Variants in KIF24 observed in about 807,000 individuals in gnomAD.
KIF24 encodes kinesin family member 24.
In KIF24, 81 loss-of-function variants were observed where a neutral mutation model predicts 118.9. That is an observed-to-expected ratio of 0.68 (90% CI 0.57 to 0.82). KIF24 has a LOEUF of 0.82. Among genes scored for constraint, KIF24 ranks in the 40% least tolerant of loss-of-function variants. KIF24 has a pLI of 0.00. For missense variants in KIF24, 1,560 were observed against 1,661.6 expected, an observed-to-expected ratio of 0.94 and a Z score of 1.06; for synonymous variants, 599 against 610.0, an observed-to-expected ratio of 0.98 and a Z score of 0.27.
At chr9:34,266,633 G>A (rs1328631297) in intron 8 of KIF24, among the ~76,000 whole-genome samples, 3 of 149,636 alleles carry the variant, frequency 2.0e-5, no homozygotes, top group African/African-American at 7.4e-5. Context: ...AGCCAAGATT[G>A]TGCCACTGTA....
chr9:34,311,688 A>G (rs1837159456), intron 1 of KIF24, among the ~76,000 whole-genome samples: 1 of 148,288 alleles, frequency 6.7e-6, no homozygotes, highest in African/African-American at 2.5e-5. Context: ...GTATATATAT[A>G]CGTATATATG....
intron 6 of KIF24, among the ~76,000 whole-genome samples, chr9:34,280,242 C>T (rs191385714): frequency 5.3e-5 from 7 of 133,124 alleles, no homozygotes; most frequent in African/African-American, 8.4e-5. Flanking sequence ...CAAGATCCCG[C>T]CACTGCACTC....
intron 7 of KIF24, among the ~76,000 whole-genome samples, chr9:34,270,485 C>G (rs1335986896): frequency 6.9e-6 from 1 of 144,098 alleles, no homozygotes; most frequent in African/African-American, 2.6e-5. Flanking sequence ...TACTGCACTC[C>G]AGCCTGGGCA....
At chr9:34,328,129 G>GA (rs1837736954) in intron 1 of KIF24, among the ~76,000 whole-genome samples, 1 of 152,264 alleles carries the variant, frequency 6.6e-6, no homozygotes, top group South Asian at 2.1e-4. Context: ...AGTTAACAAC[G>GA]AAACAGTCTT....
At chr9:34,312,525 G>A (rs1031694500) in intron 1 of KIF24, among the ~76,000 whole-genome samples, 5 of 152,218 alleles carry the variant, frequency 3.3e-5, no homozygotes, top group South Asian at 4.2e-4. Context: ...TCCTGTTTTC[G>A]TTTTAATTTC....
Position 34,300,851 on chromosome 9 carries a change from A to T in KIF24, c.814-3737T>A, listed in dbSNP as rs1218205445. 2.2e-3 allele frequency among the ~76,000 whole-genome samples: 12 copies of T among 5,334 alleles called. 1 individual carries two copies. Among genetic ancestry groups the T allele is most frequent in the Admixed American group, 8.6e-3 (6 of 698 alleles). The allele number at this position is 5,334 out of a possible 152,430, so 3.5% of individuals were successfully genotyped here. A position where few individuals can be genotyped will look rare whatever the true frequency, so the allele number is the denominator to read the frequency against. ...GATGTGGATATATTCGGCATTTCTC[A>T]AAAAAAAAAAAAAAAAAAAAAAAGA... On this transcript the variant is annotated intron_variant, in intron 3 of 12. Coordinates refer to ENST00000402558, the MANE Select transcript of KIF24 (RefSeq NM_194313.4).
Position 34,255,039 on chromosome 9 carries a change from A to G in KIF24, c.3966+33T>C, listed in dbSNP as rs181302696. On this transcript the variant is annotated intron_variant, in intron 12 of 12. Coordinates refer to ENST00000402558, the MANE Select transcript of KIF24 (RefSeq NM_194313.4). Reference sequence around the variant, plus strand: ...CAAATTAGCTGCAGGCTAATTCCCAACAGCCTGTGAGTGTCCAGCCAGGGC... The same window carrying G: ...CAAATTAGCTGCAGGCTAATTCCCAGCAGCCTGTGAGTGTCCAGCCAGGGC... The G allele has an allele frequency of 2.4e-4, 343 of 1,409,610 alleles. 3 individuals carry two copies. The East Asian group carries it at 8.3e-3, about 34-fold the overall frequency. 87.3% of individuals were successfully genotyped at this position (1,409,610 alleles called of 1,614,324 possible).
chr9:34,295,377 A>T (rs1048416519), intron 4 of KIF24, among the ~76,000 whole-genome samples: 10 of 147,482 alleles, frequency 6.8e-5, no homozygotes, highest in African/African-American at 9.8e-5. Flanking sequence ...CTGGCTAATT[A>T]AAAAAAAAAA....
rs1837119118 is a variant in KIF24 at position 34,311,029 on chromosome 9, A to G, written c.318T>C (p.Asn106=). The G allele has an allele frequency of 2.5e-6, 4 of 1,613,968 alleles. No homozygotes were observed. The East Asian group carries it at 8.9e-5, about 36-fold the overall frequency. ...CATCATTGCTGGCATTTCTGTCTTTATTGTCAGCAGGAGAATCAAAATTCA... is the reference window on the plus strand; with the variant it reads ...CATCATTGCTGGCATTTCTGTCTTTGTTGTCAGCAGGAGAATCAAAATTCA... ...RQLNFDSPAD[N]KDRNASNDGF... Residue 106 remains asparagine, a synonymous_variant, in exon 2 of 13, where the codon AAT becomes AAC. Coordinates refer to ENST00000402558, the MANE Select transcript of KIF24 (RefSeq NM_194313.4).
chr9:34,258,057 AC>A, intron 10 of KIF24, 76 bp from the exon 11 acceptor site: 1 of 1,133,480 alleles, frequency 8.8e-7, no homozygotes, highest in Non-Finnish European at 1.3e-6. Flanking sequence ...TTCTGGGAAA[AC>A]AAAAACCAAA....
At chr9:34,324,055 C>T (rs771905713) in intron 1 of KIF24, among the ~76,000 whole-genome samples, 8 of 152,156 alleles carry the variant, frequency 5.3e-5, no homozygotes, top group Non-Finnish European at 1.2e-4. Context: ...CTGTAATAGA[C>T]ACAGTACCAC....
At chr9:34,330,912 G>A (rs1020716312), upstream of KIF24, among the ~76,000 whole-genome samples, 9 of 151,916 alleles carry the variant, frequency 5.9e-5, no homozygotes, top group African/African-American at 2.2e-4. Context: ...AGAGAGCAGA[G>A]ATCGCACCAC....
intron 4 of KIF24, among the ~76,000 whole-genome samples, chr9:34,295,027 G>C (rs1374087935): frequency 6.6e-6 from 1 of 152,124 alleles, no homozygotes; most frequent in Non-Finnish European, 1.5e-5. Context: ...TTTTTAAAAA[G>C]TTGTTTGAAA....
Position 34,256,872 on chromosome 9 carries a change from G to C in KIF24, c.2735C>G (p.Pro912Arg). ...GCTCCAGTCCACGGGCCCCTTACTT[G>C]GGCTGCAGCTGTGATCGAGTGCTGC... is the stretch of plus-strand genomic sequence containing the variant. ...RRAALDHSCS[P>R]SKGPVDWSRE... The change falls in exon 11 of 13, where the codon CCA becomes CGA. Residue 912 changes from proline to arginine, a missense_variant. Physicochemically the swap from Pro to Arg is moderately radical, Grantham distance 103. Transcript: ENST00000402558. The C allele has an allele frequency of 6.2e-7, 1 of 1,613,982 alleles. No individual in the cohort carries two copies. The highest frequency in any genetic ancestry group is 8.5e-7 in the Non-Finnish European group (1 of 1,179,898).
intron 1 of KIF24, among the ~76,000 whole-genome samples, chr9:34,319,832 C>T (rs564077115): frequency 2.6e-5 from 4 of 152,302 alleles, no homozygotes; most frequent in African/African-American, 9.6e-5. Flanking sequence ...ATTTACTCCA[C>T]TTGGACGTGG....
chr9:34,259,132 T>C (rs1834962371), intron 10 of KIF24, among the ~76,000 whole-genome samples: 2 of 152,202 alleles, frequency 1.3e-5, no homozygotes, highest in South Asian at 4.1e-4. Flanking sequence ...CCTACCCTTC[T>C]CTGGACCTCA....
intron 6 of KIF24, among the ~76,000 whole-genome samples, chr9:34,275,492 G>A (rs1207327512): frequency 1.3e-5 from 2 of 151,972 alleles, no homozygotes; most frequent in East Asian, 3.9e-4. Flanking sequence ...CTTGGGCCCA[G>A]GAGTTTGAGA....
chr9:34,305,554 T>C (rs1836880411), intron 3 of KIF24, among the ~76,000 whole-genome samples: 1 of 152,252 alleles, frequency 6.6e-6, no homozygotes, highest in Non-Finnish European at 1.5e-5. Context: ...CATAGTCATA[T>C]ATTCAGTGAC....
chr9:34,259,102 T>C (rs1834960987), intron 10 of KIF24, among the ~76,000 whole-genome samples: 1 of 152,284 alleles, frequency 6.6e-6, no homozygotes, highest in South Asian at 2.1e-4. Flanking sequence ...CACCAACTCC[T>C]AGTGAGCCTT....
Sources: allele counts gnomAD v4.1 joint callset (sites outside exome capture counted in the v4.1 genomes callset), GRCh38; gene constraint gnomAD v4.1.1; transcripts MANE v1.5; gene names NCBI Gene and HGNC (gene_info 2026-07-23, HGNC 2026-07-21).